The following AKT3 variants were observed in gnomAD, a reference collection of about 807,000 sequenced individuals.
AKT3 encodes AKT serine/threonine kinase 3.
In AKT3, 15 loss-of-function variants were observed where a neutral mutation model predicts 65.3. That is an observed-to-expected ratio of 0.23 (90% CI 0.15 to 0.35). The LOEUF (loss-of-function observed/expected upper bound fraction) is 0.35, where lower values mean the gene tolerates loss of function less well. Among genes scored for constraint, AKT3 ranks in the 10% least tolerant of loss-of-function variants. The pLI, the probability that AKT3 is intolerant of heterozygous loss-of-function variation, is 1.00. For missense variants in AKT3, 243 were observed against 576.5 expected (o/e 0.42, Z 5.92); for synonymous variants, 206 against 183.8 (o/e 1.12, Z -0.98).
intron 4 of AKT3, among the ~76,000 whole-genome samples, chr1:243,654,011 C>T (rs992462343): frequency 6.6e-6 from 1 of 151,772 alleles, no homozygotes; most frequent in South Asian, 2.1e-4. Context: ...GCTTTTCAGT[C>T]GTCTTTTTTT....
At chr1:243,805,484 GAC>G (rs1388772975) in intron 2 of AKT3, among the ~76,000 whole-genome samples, 4 of 152,064 alleles carry the variant, frequency 2.6e-5, no homozygotes, top group African/African-American at 9.7e-5. Flanking sequence ...ACTTTTCACT[GAC>G]AGATTTTTCA....
At chr1:243,844,247 C>T (rs1321459207) in intron 1 of AKT3, among the ~76,000 whole-genome samples, 2 of 152,136 alleles carry the variant, frequency 1.3e-5, no homozygotes, top group Non-Finnish European at 2.9e-5. Context: ...GAGGCTCACA[C>T]AGATAAACCA....
At chr1:243,537,126 C>T (rs1671991927) in intron 12 of AKT3, among the ~76,000 whole-genome samples, 1 of 152,136 alleles carries the variant, frequency 6.6e-6, no homozygotes, top group African/African-American at 2.4e-5. Flanking sequence ...TCTTGATACA[C>T]CTTGCAAAAA....
At chr1:243,556,396 C>CAA (rs373018675) in intron 10 of AKT3, among the ~76,000 whole-genome samples, 3 of 146,166 alleles carry the variant, frequency 2.1e-5, no homozygotes, top group African/African-American at 7.5e-5. Context: ...TTTTTCAAAA[C>CAA]AAAAAAAAAA....
chr1:243,798,773 TTTCCCA>T lies in AKT3; in HGVS notation c.46+44346_46+44351del, dbSNP rs571348035. ...AGCTTTTTTGAAGTCTACTTTCTCA[TTTCCCA>T]TTCACTCCTTAACCTTCAACTCCAC... On this transcript the variant is annotated intron_variant, in intron 2 of 13. Transcript: ENST00000673466. 3.5e-3 allele frequency among the ~76,000 whole-genome samples: 534 copies of T among 152,310 alleles called. 2 individuals are homozygous for T. Among genetic ancestry groups the T allele is most frequent in the African/African-American group, 0.012 (516 of 41,570 alleles).
chr1:243,775,916 A>G (rs1690515648), intron 2 of AKT3, among the ~76,000 whole-genome samples: 1 of 152,230 alleles, frequency 6.6e-6, no homozygotes, highest in Admixed American at 6.5e-5. Flanking sequence ...TTTGAATAAA[A>G]ACAAATTAAA....
At chr1:243,618,503 C>T (rs1678499626) in intron 6 of AKT3, among the ~76,000 whole-genome samples, 1 of 152,028 alleles carries the variant, frequency 6.6e-6, no homozygotes, top group South Asian at 2.1e-4. Context: ...AGTAGTAAAA[C>T]AGTGACTAAA....
At chr1:243,826,059 G>T (rs1694147207) in intron 2 of AKT3, among the ~76,000 whole-genome samples, 1 of 151,882 alleles carries the variant, frequency 6.6e-6, no homozygotes, top group South Asian at 2.1e-4. Context: ...TTGAACCCGG[G>T]AGACAAAGGT....
chr1:243,736,092 TAAAAAG>T (rs2148160450), intron 2 of AKT3, among the ~76,000 whole-genome samples: 1 of 152,074 alleles, frequency 6.6e-6, no homozygotes, highest in South Asian at 2.1e-4. Flanking sequence ...GAGATGGGGG[TAAAAAG>T]TATATGCTTT....
At chr1:243,558,254 G>A (rs1310282818) in intron 10 of AKT3, among the ~76,000 whole-genome samples, 1 of 152,034 alleles carries the variant, frequency 6.6e-6, no homozygotes, top group Non-Finnish European at 1.5e-5. Flanking sequence ...ACCTTTTGTG[G>A]AAGTTAATAT....
Position 243,504,674 on chromosome 1 carries a change from C to T in AKT3, c.*575G>A, listed in dbSNP as rs1004707282. On this transcript the variant is annotated 3_prime_UTR_variant, in exon 14 of 14. Coordinates refer to ENST00000673466, the MANE Select transcript of AKT3 (RefSeq NM_005465.7). ...TATATATCCCAACAGTTGTTCAGTC[C>T]TTCTACCAAATGCTTCCTAATCAAT... 2 of 177,278 alleles carry T rather than the reference C, an allele frequency of 1.1e-5. No homozygotes were observed. The highest frequency in any genetic ancestry group is 2.4e-5 in the Non-Finnish European group (2 of 82,974). 11.0% of individuals were successfully genotyped at this position (177,278 alleles called of 1,614,324 possible).
At position 243,650,232 on chromosome 1, in the gene AKT3, C is replaced by G. The variant is rs187995739; in HGVS notation, c.285-4195G>C. Among the ~76,000 whole-genome samples the G allele has an allele frequency of 2.2e-3, 333 of 152,206 alleles. 2 individuals carry two copies. Among genetic ancestry groups the G allele is most frequent in the African/African-American group, 7.6e-3 (317 of 41,516 alleles). On this transcript the variant is annotated intron_variant, in intron 4 of 13. Transcript: ENST00000673466. Reference sequence around the variant, plus strand: ...TCTTTTGAGAAGTGTCTGTTCATATCCTTTGCCCACTTTTTGATGGGGTTG... The same window carrying G: ...TCTTTTGAGAAGTGTCTGTTCATATGCTTTGCCCACTTTTTGATGGGGTTG...
chr1:243,685,657 T>C (rs1684237829), intron 3 of AKT3, among the ~76,000 whole-genome samples: 1 of 152,162 alleles, frequency 6.6e-6, no homozygotes, highest in Non-Finnish European at 1.5e-5. Context: ...GTTTTGGCTA[T>C]ATGGGCTCTT....
intron 2 of AKT3, among the ~76,000 whole-genome samples, chr1:243,781,334 A>C (rs1232601925): frequency 6.6e-6 from 1 of 151,980 alleles, no homozygotes; most frequent in Non-Finnish European, 1.5e-5. Context: ...AACTTTTTTC[A>C]TTTCATATAC....
intron 3 of AKT3, among the ~76,000 whole-genome samples, chr1:243,671,543 G>A (rs899330705): frequency 6.6e-6 from 1 of 151,942 alleles, no homozygotes; most frequent in Non-Finnish European, 1.5e-5. Context: ...TTTTCACTAG[G>A]GGCAAAAAAG....
intron 6 of AKT3, among the ~76,000 whole-genome samples, chr1:243,635,285 G>A (rs1193763613): frequency 1.3e-5 from 2 of 151,724 alleles, no homozygotes; most frequent in African/African-American, 4.8e-5. Flanking sequence ...CACAAAAACA[G>A]TGCTAAGGGA....
At chr1:243,644,092 C>A (rs1680633461) in intron 5 of AKT3, among the ~76,000 whole-genome samples, 1 of 152,106 alleles carries the variant, frequency 6.6e-6, no homozygotes, top group Admixed American at 6.6e-5. Context: ...CATATAAGAT[C>A]TTTTAATTGT....
rs1326410896 is a variant in AKT3 at position 243,504,249 on chromosome 1, CAA to C, written c.*998_*999del. 1 of 210,682 alleles carries C rather than the reference CAA, an allele frequency of 4.7e-6. No homozygotes were observed. 13.1% of individuals were successfully genotyped at this position (210,682 alleles called of 1,614,324 possible). On this transcript the variant is annotated 3_prime_UTR_variant, in exon 14 of 14. Coordinates refer to ENST00000673466, the MANE Select transcript of AKT3 (RefSeq NM_005465.7). Reference sequence around the variant, plus strand: ...AAAATAAATACTACTGCAATATAAACAAAATCATAAAAGGACATTCAAAGTTT... The same window carrying C: ...AAAATAAATACTACTGCAATATAAACAATCATAAAAGGACATTCAAAGTTT...
intron 1 of AKT3, chr1:243,843,549 T>C: frequency 9.6e-7 from 1 of 1,045,728 alleles, no homozygotes; most frequent in Non-Finnish European, 1.2e-6. Context: ...CCTACCCAAA[T>C]AATAGAGAAA....
Sources: gnomAD v4.1 joint callset for allele counts (sites outside exome capture counted in the v4.1 genomes callset) on GRCh38, gnomAD v4.1.1 for gene constraint, MANE v1.5 for transcripts, NCBI Gene and HGNC (gene_info 2026-07-23, HGNC 2026-07-21) for gene names.